PRR16: variants seen among roughly 807,000 people sequenced by gnomAD.
The protein encoded by PRR16 is protein Largen.
PRR16 carries 6 observed loss-of-function variants against 18.2 expected under a neutral mutation model. That is an observed-to-expected ratio of 0.33 (90% CI 0.18 to 0.65). The LOEUF is 0.65. PRR16 is among the 30% of genes least tolerant of loss of function. The pLI, the probability that PRR16 is intolerant of heterozygous loss-of-function variation, is 0.74. For synonymous variants in PRR16, 151 were observed against 147.8 expected (o/e 1.02, Z -0.16); for missense variants, 412 against 376.6 (o/e 1.09, Z -0.78).
At chr5:120,574,202 T>C (rs1442004818) in intron 1 of PRR16, among the ~76,000 whole-genome samples, 1 of 152,158 alleles carries the variant, frequency 6.6e-6, no homozygotes, top group Non-Finnish European at 1.5e-5. Flanking sequence ...GTAATATCTA[T>C]ACTTGAGAAA....
At chr5:120,716,964 G>A in the PRR16 span, among the ~76,000 whole-genome samples, 1 of 152,106 alleles carries the variant, frequency 6.6e-6, no homozygotes, top group Admixed American at 6.6e-5. Context: ...ATATTCCTTA[G>A]CATTTAGTCT....
chr5:120,496,035 A>AT (rs1750234359), intron 1 of PRR16, among the ~76,000 whole-genome samples: 1 of 151,888 alleles, frequency 6.6e-6, no homozygotes, highest in South Asian at 2.1e-4. Context: ...TGGATATGGA[A>AT]TTTTCACAAA....
At chr5:120,695,133 G>A in the PRR16 span, among the ~76,000 whole-genome samples, 1 of 151,908 alleles carries the variant, frequency 6.6e-6, no homozygotes, top group Non-Finnish European at 1.5e-5. Context: ...TTTTCTACCC[G>A]TTCAAACCAC....
intron 1 of PRR16, among the ~76,000 whole-genome samples, chr5:120,654,531 C>T (rs1392430751): frequency 1.3e-5 from 2 of 150,950 alleles, no homozygotes; most frequent in African/African-American, 4.9e-5. Flanking sequence ...AAATTAAATT[C>T]AGAGATACAT....
intron 1 of PRR16, among the ~76,000 whole-genome samples, chr5:120,486,413 T>G (rs1749801931): frequency 6.6e-6 from 1 of 150,424 alleles, no homozygotes; most frequent in Non-Finnish European, 1.5e-5. Context: ...ATGATGAGCA[T>G]TTTTTCATGG....
At chr5:120,603,222 T>C (rs1036896590) in intron 1 of PRR16, among the ~76,000 whole-genome samples, 1 of 152,072 alleles carries the variant, frequency 6.6e-6, no homozygotes, top group African/African-American at 2.4e-5. Context: ...GGTTTTGTAT[T>C]ACACATGCAA....
intron 1 of PRR16, among the ~76,000 whole-genome samples, chr5:120,545,151 T>A (rs1230196687): frequency 1.3e-5 from 2 of 152,118 alleles, no homozygotes; most frequent in African/African-American, 4.8e-5. Context: ...TTTTTTCTTC[T>A]TTTTAATTGC....
At chr5:120,758,946 T>G in the PRR16 span, among the ~76,000 whole-genome samples, 2 of 151,770 alleles carry the variant, frequency 1.3e-5, no homozygotes, top group African/African-American at 4.8e-5. Context: ...TATTGAAGAG[T>G]TGTACATTGA....
chr5:120,746,842 A>G, the PRR16 span, among the ~76,000 whole-genome samples: 1 of 152,176 alleles, frequency 6.6e-6, no homozygotes, highest in South Asian at 2.1e-4. Context: ...CAATTTGAGA[A>G]CAAATGAAAA....
chr5:120,513,607 C>A (rs149458631), intron 1 of PRR16, among the ~76,000 whole-genome samples: 1 of 152,126 alleles, frequency 6.6e-6, no homozygotes, highest in Non-Finnish European at 1.5e-5. Context: ...TTTCCCCCTA[C>A]TGGCCCTCCT....
chr5:120,487,459 G>C (rs1344304999), intron 1 of PRR16, among the ~76,000 whole-genome samples: 5 of 152,034 alleles, frequency 3.3e-5, no homozygotes, highest in Non-Finnish European at 5.9e-5. Context: ...GTCTGTTATT[G>C]GTGTATAAGA....
chr5:120,676,456 G>C (rs1756800039), intron 1 of PRR16, among the ~76,000 whole-genome samples: 1 of 149,368 alleles, frequency 6.7e-6, no homozygotes, highest in Non-Finnish European at 1.5e-5. Context: ...TTAGACCTTG[G>C]GTCTCTAACA....
intron 1 of PRR16, among the ~76,000 whole-genome samples, chr5:120,539,953 TG>T (rs1413837339): frequency 1.3e-5 from 2 of 152,188 alleles, no homozygotes; most frequent in African/African-American, 4.8e-5. Context: ...AATCCCTTTT[TG>T]GTTGAAATTC....
chr5:120,665,514 A>C (rs547720173), intron 1 of PRR16, among the ~76,000 whole-genome samples: 35 of 152,254 alleles, frequency 2.3e-4, no homozygotes, highest in South Asian at 2.3e-3. Context: ...TTAGTGTTTT[A>C]GACATGAAGT....
At chr5:120,761,667 T>A in the PRR16 span, among the ~76,000 whole-genome samples, 1 of 152,146 alleles carries the variant, frequency 6.6e-6, no homozygotes, top group African/African-American at 2.4e-5. Context: ...GAATGTGTAA[T>A]GATCAAGACA....
intron 1 of PRR16, among the ~76,000 whole-genome samples, chr5:120,623,170 G>C (rs1364990453): frequency 6.6e-6 from 1 of 152,056 alleles, no homozygotes; most frequent in African/African-American, 2.4e-5. Flanking sequence ...AAATGTTATA[G>C]TCATTAGATT....
intron 1 of PRR16, among the ~76,000 whole-genome samples, chr5:120,652,942 A>G (rs912878170): frequency 6.6e-6 from 1 of 152,046 alleles, no homozygotes; most frequent in East Asian, 1.9e-4. Flanking sequence ...AATTCAGTAA[A>G]TCTAAAAATG....
At chr5:120,474,375 T>A (rs1428362257) in intron 1 of PRR16, among the ~76,000 whole-genome samples, 12 of 152,128 alleles carry the variant, frequency 7.9e-5, no homozygotes. Flanking sequence ...AATGTGACAA[T>A]GGAAAATGTT....
the PRR16 span, among the ~76,000 whole-genome samples, chr5:120,732,591 G>A: frequency 2.0e-5 from 3 of 152,060 alleles, no homozygotes; most frequent in Middle Eastern, 3.2e-3. Context: ...AAATTCCCAA[G>A]GGCCTGATGG....
Sources: gnomAD v4.1 joint callset for allele counts (sites outside exome capture counted in the v4.1 genomes callset) on GRCh38, gnomAD v4.1.1 for gene constraint, MANE v1.5 for transcripts, NCBI Gene and HGNC (gene_info 2026-07-23, HGNC 2026-07-21) for gene names.